ADGB: variants seen among roughly 807,000 people sequenced by gnomAD.
ADGB encodes androglobin.
ADGB carries 172 observed loss-of-function variants against 210.5 expected under a neutral mutation model. The observed-to-expected ratio is 0.82, with a 90% CI of 0.72 to 0.93. ADGB has a LOEUF of 0.93. Among genes scored for constraint, ADGB ranks in the 40% least tolerant of loss-of-function variants. ADGB has a pLI of 0.00. For synonymous variants in ADGB, 658 were observed against 662.7 expected (o/e 0.99, Z 0.11); for missense variants, 2,025 against 1,964.8 (o/e 1.03, Z -0.58).
At chr6:146,811,431 CTT>C (rs1778300592) in intron 35 of ADGB, among the ~76,000 whole-genome samples, 1 of 104,772 alleles carries the variant, frequency 9.5e-6, no homozygotes, top group Non-Finnish European at 1.9e-5. Context: ...GTATGTGTGT[CTT>C]TGTGTGTTTA....
At chr6:146,692,781 AT>A in intron 11 of ADGB, 43 bp from the exon 12 acceptor site, 1 of 1,111,708 alleles carries the variant, frequency 9.0e-7, no homozygotes. Flanking sequence ...ATCCTGAAAG[AT>A]TTTTTTAAAT....
Position 146,713,816 on chromosome 6 carries a change from A to G in ADGB, c.1708-1566A>G, listed in dbSNP as rs188537831. Among the ~76,000 whole-genome samples, 947 of 152,206 alleles carry G rather than the reference A, an allele frequency of 6.2e-3. 3 individuals are homozygous for G. The highest frequency in any genetic ancestry group is 0.011 in the Non-Finnish European group (770 of 68,012). On this transcript the variant is annotated intron_variant, in intron 13 of 35. Transcript: ENST00000397944. ...GTGCTTTTGGAGTCATATCTAAGAA[A>G]TAATTGCCAAATCCAGTGTCATGAA... is the stretch of plus-strand genomic sequence containing the variant.
intron 1 of ADGB, among the ~76,000 whole-genome samples, chr6:146,631,093 TAGA>T (rs1481072465): frequency 6.6e-6 from 1 of 152,134 alleles, no homozygotes; most frequent in Admixed American, 6.5e-5. Context: ...TTTAAGATAA[TAGA>T]AGAATAATCT....
chr6:146,744,122 A>G (rs1483712450), intron 25 of ADGB, among the ~76,000 whole-genome samples: 2 of 152,226 alleles, frequency 1.3e-5, no homozygotes, highest in African/African-American at 4.8e-5. Flanking sequence ...TCTGACCCAC[A>G]AAACATAAAG....
chr6:146,692,209 T>A (rs1776339457), intron 11 of ADGB, among the ~76,000 whole-genome samples: 2 of 152,158 alleles, frequency 1.3e-5, no homozygotes, highest in Non-Finnish European at 2.9e-5. Flanking sequence ...AGTCTCTTTT[T>A]TTTCCTAATA....
chr6:146,752,424 T>G, intron 26 of ADGB, 106 bp from the exon 27 acceptor site: 1 of 1,025,918 alleles, frequency 9.7e-7, no homozygotes. Context: ...AGGGTCACAG[T>G]TTGACAGCAG....
chr6:146,805,472 T>C (rs966508663), intron 35 of ADGB, among the ~76,000 whole-genome samples: 1 of 152,244 alleles, frequency 6.6e-6, no homozygotes, highest in African/African-American at 2.4e-5. Context: ...CACTAATGGT[T>C]ATCATAATGC....
intron 2 of ADGB, among the ~76,000 whole-genome samples, chr6:146,642,963 G>A (rs1775540268): frequency 6.6e-6 from 1 of 151,824 alleles, no homozygotes. Context: ...ACAGAATCAA[G>A]CGACTGAAAA....
At chr6:146,743,456 T>C (rs1777186408) in intron 25 of ADGB, among the ~76,000 whole-genome samples, 1 of 152,234 alleles carries the variant, frequency 6.6e-6, no homozygotes, top group African/African-American at 2.4e-5. Flanking sequence ...TAAACTTGAA[T>C]TTTTCGGATA....
chr6:146,691,475 T>TAAAAAAAAA lies in ADGB; in HGVS notation c.1486+188_1486+189insAAAAAAAAA, dbSNP rs1554231923. ...ATATATATAAAAATATATATATATA[T>TAAAAAAAAA]AAATATATATATATATATATATATA... is the stretch of plus-strand genomic sequence containing the variant. On this transcript the variant is annotated intron_variant, in intron 11 of 35. Coordinates refer to ENST00000397944, the MANE Select transcript of ADGB (RefSeq NM_024694.4). Among the ~76,000 whole-genome samples, 12 of 46,814 alleles carry TAAAAAAAAA rather than the reference T, an allele frequency of 2.6e-4. 2 individuals carry two copies. The African/African-American group carries it at 3.0e-3, about 12-fold the overall frequency. 30.7% of individuals were successfully genotyped at this position (46,814 alleles called of 152,430 possible).
chr6:146,668,076 T>C (rs1775960871), intron 7 of ADGB, among the ~76,000 whole-genome samples: 1 of 152,102 alleles, frequency 6.6e-6, no homozygotes, highest in South Asian at 2.1e-4. Context: ...TGCTGACTTA[T>C]AATTTCACGA....
rs1425780578 is a variant in ADGB, at chr6:146,763,958, T to C, written c.3608T>C (p.Val1203Ala). ...TCCAAGAAAGAGCAAGAAGTGTATG[T>C]TAAGAAGAAAGCTGCTCAGGGAATT... ...SASKKEQEVY[V>A]KKKAAQGIQK... The change falls in exon 28 of 36, where the codon GTT becomes GCT. Residue 1203 changes from valine (V) to alanine (A), a missense_variant. By Grantham distance (64) the Val-to-Ala change is moderately conservative. Coordinates refer to ENST00000397944, the MANE Select transcript of ADGB (RefSeq NM_024694.4). 6.4e-7 allele frequency: 1 copy of C among 1,551,498 alleles called. No individual in the cohort carries two copies.
Position 146,664,190 on chromosome 6 carries a change from CT to C in ADGB, c.613-9del. 6.5e-7 allele frequency: 1 copy of C among 1,539,686 alleles called. No individual in the cohort carries two copies. The highest frequency in any genetic ancestry group is 1.2e-5 in the South Asian group (1 of 82,364). ...ATTGATGGTATTACATTTCTTTCAT[CT>C]TATTTTTAGGGTTGCTGGAGAAAGA... On this transcript the variant is annotated splice_polypyrimidine_tract_variant and intron_variant, in intron 5 of 35. Coordinates refer to ENST00000397944, the MANE Select transcript of ADGB (RefSeq NM_024694.4).
chr6:146,677,557 T>A (rs1423368175), intron 9 of ADGB, among the ~76,000 whole-genome samples: 1 of 152,196 alleles, frequency 6.6e-6, no homozygotes, highest in East Asian at 1.9e-4. Context: ...CCTTAAGCAA[T>A]ATTTTTTGAT....
intron 9 of ADGB, 129 bp downstream of exon 9, chr6:146,676,570 T>G (rs772677481): frequency 1.5e-5 from 14 of 939,158 alleles, no homozygotes; most frequent in Non-Finnish European, 1.6e-5. Context: ...TTGCCATAAA[T>G]GTTGGGTTCT....
intron 9 of ADGB, 124 bp downstream of exon 9, chr6:146,676,565 A>G (rs1776087578): frequency 1.0e-6 from 1 of 986,376 alleles, no homozygotes; most frequent in Admixed American, 4.2e-5. Context: ...CAAGGTTGCC[A>G]TAAATGTTGG....
chr6:146,695,471 T>A (rs955180850), intron 12 of ADGB, among the ~76,000 whole-genome samples: 5 of 152,118 alleles, frequency 3.3e-5, no homozygotes, highest in Admixed American at 2.6e-4. Context: ...ATCATAGGTA[T>A]TAAGTAAATA....
intron 7 of ADGB, among the ~76,000 whole-genome samples, chr6:146,670,632 C>T (rs1326029907): frequency 1.3e-5 from 2 of 152,130 alleles, no homozygotes; most frequent in Non-Finnish European, 2.9e-5. Flanking sequence ...ATTTCATTTT[C>T]ATCATGGAAG....
In ADGB at chr6:146,811,307, C is replaced by G. The variant is rs553421434; in HGVS notation, c.4819-3725C>G. Among the ~76,000 whole-genome samples the G allele has an allele frequency of 5.3e-5, 8 of 152,216 alleles. No individual in the cohort carries two copies. In the South Asian group the frequency reaches 1.7e-3, roughly 32 times the overall value. Reference sequence around the variant, plus strand: ...TCTTGCTTTTTCTCACCAAACAACACAGAATCTCTTCAAGTCACTGGTAAT... The same window carrying G: ...TCTTGCTTTTTCTCACCAAACAACAGAGAATCTCTTCAAGTCACTGGTAAT... On this transcript the variant is annotated intron_variant, in intron 35 of 35. Coordinates refer to ENST00000397944, the MANE Select transcript of ADGB (RefSeq NM_024694.4).
Sources: gnomAD v4.1 joint callset for allele counts (sites outside exome capture counted in the v4.1 genomes callset) on GRCh38, gnomAD v4.1.1 for gene constraint, MANE v1.5 for transcripts, NCBI Gene and HGNC (gene_info 2026-07-23, HGNC 2026-07-21) for gene names.